ANKRD50: variants seen among roughly 807,000 people sequenced by gnomAD.
ANKRD50 encodes the protein ankyrin repeat domain-containing protein 50.
A neutral mutation model predicts 112.0 loss-of-function variants in ANKRD50; 40 were observed. That is an observed-to-expected ratio of 0.36 (90% CI 0.28 to 0.46). The LOEUF (loss-of-function observed/expected upper bound fraction) is 0.46, where lower values mean the gene tolerates loss of function less well. Ranked by LOEUF, ANKRD50 falls within the 20% of genes least tolerant of loss-of-function variation. The pLI is 1.00. For missense variants in ANKRD50, 1,487 were observed against 1,701.7 expected (o/e 0.87, Z 2.22); for synonymous variants, 613 against 619.1 (o/e 0.99, Z 0.15).
At chr4:124,682,262 A>G (rs892236266) in intron 2 of ANKRD50, among the ~76,000 whole-genome samples, 1 of 147,612 alleles carries the variant, frequency 6.8e-6, no homozygotes, top group Admixed American at 6.9e-5. Flanking sequence ...CTTGCAGTGA[A>G]CCGAGATTGC....
intron 3 of ANKRD50, 77 bp from the exon 4 acceptor site, chr4:124,672,611 A>T: frequency 1.0e-6 from 1 of 973,810 alleles, no homozygotes; most frequent in Non-Finnish European, 1.5e-6. Context: ...AGAGAATGTC[A>T]ACATATAATA....
rs551553586 is a variant in ANKRD50 at position 124,665,058 on chromosome 4, T to C, written c.*2460A>G. On this transcript the variant is annotated 3_prime_UTR_variant, in exon 5 of 5. Coordinates refer to ENST00000504087, the MANE Select transcript of ANKRD50 (RefSeq NM_020337.3). ...TTTAAAGATTTTAATTTCAAAAATATCTATTAAGGAGTTTTATATTTGGAG... is the reference window on the plus strand; with the variant it reads ...TTTAAAGATTTTAATTTCAAAAATACCTATTAAGGAGTTTTATATTTGGAG... The C allele has an allele frequency of 5.3e-5, 8 of 152,048 alleles. No homozygotes were observed. In the South Asian group the frequency reaches 1.4e-3, roughly 28 times the overall value. 9.4% of individuals were successfully genotyped at this position (152,048 alleles called of 1,614,324 possible).
chr4:124,709,342 A>G (rs1725576881), intron 2 of ANKRD50, among the ~76,000 whole-genome samples: 1 of 152,102 alleles, frequency 6.6e-6, no homozygotes, highest in African/African-American at 2.4e-5. Flanking sequence ...GGACCAATCC[A>G]TTTACCATGG....
intron 2 of ANKRD50, among the ~76,000 whole-genome samples, chr4:124,692,569 A>G (rs1216691177): frequency 2.6e-5 from 4 of 152,200 alleles, no homozygotes; most frequent in African/African-American, 9.6e-5. Flanking sequence ...ATGTGATGGT[A>G]TAAGAGGCAG....
intron 2 of ANKRD50, among the ~76,000 whole-genome samples, chr4:124,683,441 C>T (rs1233351457): frequency 6.6e-6 from 1 of 151,882 alleles, no homozygotes; most frequent in Non-Finnish European, 1.5e-5. Flanking sequence ...CTTCTGTGTA[C>T]TAAGAATATT....
chr4:124,668,858 T>G (rs1411839962), intron 4 of ANKRD50, 126 bp downstream of exon 4: 7 of 814,808 alleles, frequency 8.6e-6, no homozygotes. Context: ...ATGAGGCAGG[T>G]CTGGCCCAGA....
In ANKRD50 at chr4:124,666,513, T is replaced by C. The variant is rs1730495218; in HGVS notation, c.*1005A>G. 6.6e-6 allele frequency: 1 copy of C among 152,360 alleles called. No homozygotes were observed. The highest frequency in any genetic ancestry group is 1.5e-5 in the Non-Finnish European group (1 of 67,928). 9.4% of individuals were successfully genotyped at this position (152,360 alleles called of 1,614,324 possible). On this transcript the variant is annotated 3_prime_UTR_variant, in exon 5 of 5. Transcript: ENST00000504087. Reference sequence around the variant, plus strand: ...TTGATTTTGAGTGGGGCTATTTTGGTCATGCAGCAATTTACAAAATAGAAA... The same window carrying C: ...TTGATTTTGAGTGGGGCTATTTTGGCCATGCAGCAATTTACAAAATAGAAA...
At chr4:124,692,522 G>A (rs1489033721) in intron 2 of ANKRD50, among the ~76,000 whole-genome samples, 1 of 152,074 alleles carries the variant, frequency 6.6e-6, no homozygotes, top group Non-Finnish European at 1.5e-5. Flanking sequence ...AAATGTTTGA[G>A]TCCCTCCCAA....
intron 2 of ANKRD50, among the ~76,000 whole-genome samples, chr4:124,688,984 G>A (rs1189211954): frequency 6.6e-6 from 1 of 152,102 alleles, no homozygotes; most frequent in African/African-American, 2.4e-5. Context: ...AATTCAGAGA[G>A]GTCTTCCCTG....
Position 124,670,737 on chromosome 4 carries a change from C to G in ANKRD50, c.2540G>C (p.Gly847Ala). The change falls in exon 4 of 5, where the codon GGA (glycine) becomes GCA (alanine). Residue 847 changes from glycine (G) to alanine (A), a missense_variant. By Grantham distance (60) the Gly-to-Ala change is moderately conservative. Transcript: ENST00000504087. Reference sequence around the variant, plus strand: ...AGCTGCCATGTGCAAAGGTGTCCATCCAGCATCATCTCTGTGATTTTCATC... The same window carrying G: ...AGCTGCCATGTGCAAAGGTGTCCATGCAGCATCATCTCTGTGATTTTCATC... ...GLDENHRDDA[G>A]WTPLHMAAFE... 6.2e-7 allele frequency: 1 copy of G among 1,613,704 alleles called. No homozygotes were observed. Among genetic ancestry groups the G allele is most frequent in the Non-Finnish European group, 8.5e-7 (1 of 1,179,828 alleles).
rs1174591032 is a variant in ANKRD50, at chr4:124,669,038, C to G, written c.4239G>C (p.Gln1413His). 1.2e-6 allele frequency: 2 copies of G among 1,612,306 alleles called. No homozygotes were observed. Among genetic ancestry groups the G allele is most frequent in the Admixed American group, 1.7e-5 (1 of 59,640 alleles). Residue 1413 changes from glutamine (Q) to histidine (H), a missense_variant, in exon 4 of 5, where the codon CAG becomes CAC. Transcript: ENST00000504087. ...TGAAGCTAGGGTCAGAACCTTCAAT[C>G]TGAAGCTTCAGAGCTTGTTTAAGGC... Reference protein sequence around the residue: ...ELSLKQALKLQIEGSDPSFNY... With the variant: ...ELSLKQALKLHIEGSDPSFNY...
At chr4:124,682,142 C>A (rs1240019539) in intron 2 of ANKRD50, among the ~76,000 whole-genome samples, 1 of 151,696 alleles carries the variant, frequency 6.6e-6, no homozygotes, top group East Asian at 1.9e-4. Flanking sequence ...AGGTGAAACC[C>A]CGTCTCTACT....
At chr4:124,684,694 G>A (rs1452076411) in intron 2 of ANKRD50, among the ~76,000 whole-genome samples, 2 of 152,154 alleles carry the variant, frequency 1.3e-5, no homozygotes. Context: ...ACATTAGATT[G>A]AGGTTTGGGA....
rs142089445 is a variant in ANKRD50 at position 124,706,447 on chromosome 4, C to T, written c.512+3553G>A. Among the ~76,000 whole-genome samples, 543 of 152,122 alleles carry T rather than the reference C, an allele frequency of 3.6e-3. 5 individuals carry two copies. The highest frequency in any genetic ancestry group is 0.012 in the African/African-American group (510 of 41,530). On this transcript the variant is annotated intron_variant, in intron 2 of 4. Transcript: ENST00000504087. ...TTATGAACTAGTAATTAACAAATTACGATTTAGCCATATAATTTCATGTAT... is the reference window on the plus strand; with the variant it reads ...TTATGAACTAGTAATTAACAAATTATGATTTAGCCATATAATTTCATGTAT...
intron 2 of ANKRD50, among the ~76,000 whole-genome samples, chr4:124,703,174 A>G (rs1469766868): frequency 6.6e-6 from 1 of 152,156 alleles, no homozygotes; most frequent in Non-Finnish European, 1.5e-5. Flanking sequence ...AGTCAGTGCG[A>G]GATTCTGAAA....
intron 2 of ANKRD50, among the ~76,000 whole-genome samples, chr4:124,682,509 G>A (rs181401324): frequency 6.6e-6 from 1 of 152,124 alleles, no homozygotes; most frequent in East Asian, 1.9e-4. Flanking sequence ...TTGAATATAA[G>A]TGTCTACTTC....
intron 2 of ANKRD50, among the ~76,000 whole-genome samples, chr4:124,679,855 T>C (rs1724839241): frequency 6.6e-6 from 1 of 152,194 alleles, no homozygotes; most frequent in Non-Finnish European, 1.5e-5. Flanking sequence ...CTCTTTTACC[T>C]GGGCTACCCT....
At chr4:124,680,133 T>C (rs1724845866) in intron 2 of ANKRD50, among the ~76,000 whole-genome samples, 1 of 152,228 alleles carries the variant, frequency 6.6e-6, no homozygotes, top group Admixed American at 6.5e-5. Context: ...ACAGTAGTTC[T>C]TTTCCACTCC....
chr4:124,672,696 T>A (rs1355482720), intron 3 of ANKRD50, among the ~76,000 whole-genome samples, 162 bp from the exon 4 acceptor site: 2 of 152,114 alleles, frequency 1.3e-5, no homozygotes, highest in African/African-American at 4.8e-5. Flanking sequence ...AGTTTTCTTT[T>A]CTTTCTGCAA....
Sources: gnomAD v4.1 joint callset for allele counts (sites outside exome capture counted in the v4.1 genomes callset) on GRCh38, gnomAD v4.1.1 for gene constraint, MANE v1.5 for transcripts, NCBI Gene and HGNC (gene_info 2026-07-23, HGNC 2026-07-21) for gene names.